Variants in MEF2C observed in about 807,000 individuals in gnomAD.
MEF2C encodes myocyte-specific enhancer factor 2C.
In MEF2C, 6 loss-of-function variants were observed where a neutral mutation model predicts 50.5. That is an observed-to-expected ratio of 0.12 (90% CI 0.07 to 0.23). MEF2C has a LOEUF of 0.23. Among genes scored for constraint, MEF2C ranks in the 10% least tolerant of loss-of-function variants. The pLI, the probability that MEF2C is intolerant of heterozygous loss-of-function variation, is 1.00. For synonymous variants in MEF2C, 183 were observed against 228.0 expected (o/e 0.80, Z 1.78); for missense variants, 276 against 605.0 (o/e 0.46, Z 5.70).
chr5:88,803,618 A>G (rs1338835470), intron 3 of MEF2C, among the ~76,000 whole-genome samples: 1 of 152,192 alleles, frequency 6.6e-6, no homozygotes, highest in African/African-American at 2.4e-5. Context: ...GATTAAGAAA[A>G]TAGGCAGATG....
chr5:88,854,168 C>G (rs1359092283), intron 1 of MEF2C, among the ~76,000 whole-genome samples: 2 of 152,132 alleles, frequency 1.3e-5, no homozygotes, highest in African/African-American at 2.4e-5. Flanking sequence ...TATGAGACTT[C>G]TAAATCTCAG....
intron 4 of MEF2C, 92 bp from the exon 5 acceptor site, chr5:88,752,135 T>C: frequency 8.4e-7 from 1 of 1,194,614 alleles, no homozygotes; most frequent in Non-Finnish European, 1.1e-6. Context: ...CCAAGAAAAA[T>C]TCTACATTCC....
At chr5:88,892,125 C>T (rs561630215) in intron 1 of MEF2C, 4 of 152,092 alleles carry the variant, frequency 2.6e-5, no homozygotes, top group African/African-American at 9.6e-5. Context: ...CCCATTCTCC[C>T]TAAAATCCAG....
At chr5:88,800,567 A>T (rs1184227226) in intron 3 of MEF2C, among the ~76,000 whole-genome samples, 2 of 152,132 alleles carry the variant, frequency 1.3e-5, no homozygotes, top group African/African-American at 4.8e-5. Context: ...GTACTCAACA[A>T]CCACATCTTC....
intron 6 of MEF2C, chr5:88,748,254 C>T: frequency 2.1e-6 from 2 of 946,766 alleles, no homozygotes; most frequent in Non-Finnish European, 2.5e-6. Flanking sequence ...TTTCAATAAA[C>T]TTGATTTTTT....
chr5:88,844,670 T>C (rs1346103429), intron 1 of MEF2C: 1 of 663,280 alleles, frequency 1.5e-6, no homozygotes, highest in Non-Finnish European at 1.9e-6. Flanking sequence ...TATTTCTTAA[T>C]GCACTTCTAT....
In MEF2C at chr5:88,728,758, T is replaced by C. The variant is rs961412454; in HGVS notation, c.965-130A>G. ...TCGTTATTATAGATATTTTTAATTT[T>C]GAGGGGAGGGGAGATAAAGCATCAG... On this transcript the variant is annotated intron_variant, in intron 9 of 10. Transcript: ENST00000504921. 2.2e-5 allele frequency: 15 copies of C among 679,618 alleles called. No homozygotes were observed. In the African/African-American group the frequency reaches 2.8e-4, roughly 13 times the overall value. The allele number at this position is 679,618 out of a possible 1,614,324, so 42.1% of individuals were successfully genotyped here.
chr5:88,817,072 A>T (rs1366227805), intron 2 of MEF2C, among the ~76,000 whole-genome samples: 1 of 152,000 alleles, frequency 6.6e-6, no homozygotes, highest in Non-Finnish European at 1.5e-5. Flanking sequence ...TGCATCTTCC[A>T]TCTATTCTCC....
intron 1 of MEF2C, among the ~76,000 whole-genome samples, chr5:88,831,546 T>G (rs1813026921): frequency 6.6e-6 from 1 of 151,996 alleles, no homozygotes; most frequent in Non-Finnish European, 1.5e-5. Flanking sequence ...CTGCCAATGT[T>G]TTTGTTGTAC....
At chr5:88,850,588 A>G (rs780742159) in intron 1 of MEF2C, among the ~76,000 whole-genome samples, 5 of 152,120 alleles carry the variant, frequency 3.3e-5, no homozygotes, top group Non-Finnish European at 7.4e-5. Context: ...CAGGGCCACT[A>G]TGATGCCCAG....
intron 3 of MEF2C, among the ~76,000 whole-genome samples, chr5:88,766,002 G>C (rs1779882658): frequency 6.6e-6 from 1 of 152,202 alleles, no homozygotes; most frequent in African/African-American, 2.4e-5. Context: ...GCTGAGAACA[G>C]CCGTTTCCTA....
chr5:88,879,097 A>T (rs1175511972), intron 1 of MEF2C, among the ~76,000 whole-genome samples: 1 of 151,992 alleles, frequency 6.6e-6, no homozygotes, highest in Non-Finnish European at 1.5e-5. Flanking sequence ...ATAAATATTA[A>T]TTTTATGTAT....
chr5:88,829,107 T>A (rs1812039652), intron 1 of MEF2C, among the ~76,000 whole-genome samples: 1 of 151,988 alleles, frequency 6.6e-6, no homozygotes, highest in Admixed American at 6.6e-5. Context: ...AATATGAATT[T>A]CAAACCATCT....
At chr5:88,745,968 T>G (rs1416766148) in intron 6 of MEF2C, among the ~76,000 whole-genome samples, 1 of 152,188 alleles carries the variant, frequency 6.6e-6, no homozygotes, top group Non-Finnish European at 1.5e-5. Flanking sequence ...AATGATGCTT[T>G]TTGTAGAGTG....
At chr5:88,893,443 G>A (rs1834805220) in intron 1 of MEF2C, among the ~76,000 whole-genome samples, 1 of 151,684 alleles carries the variant, frequency 6.6e-6, no homozygotes, top group African/African-American at 2.4e-5. Flanking sequence ...GGTTGGTCTT[G>A]AACTCCTGAC....
intron 1 of MEF2C, 98 bp from the exon 2 acceptor site, chr5:88,824,028 G>T: frequency 8.9e-7 from 1 of 1,119,874 alleles, no homozygotes; most frequent in Non-Finnish European, 1.1e-6. Context: ...ACTATATGGA[G>T]CTAAAGCAAT....
intron 1 of MEF2C, chr5:88,826,933 T>C (rs1488447796): frequency 6.6e-6 from 1 of 151,058 alleles, no homozygotes; most frequent in Non-Finnish European, 1.5e-5. Context: ...GAAGAACTGC[T>C]CTACTATAGT....
chr5:88,795,949 T>C (rs1291987049), intron 3 of MEF2C, among the ~76,000 whole-genome samples: 2 of 152,188 alleles, frequency 1.3e-5, no homozygotes, highest in African/African-American at 4.8e-5. Context: ...CATTTTTTGA[T>C]TGGTGCATGT....
At chr5:88,769,078 T>C (rs1354454389) in intron 3 of MEF2C, among the ~76,000 whole-genome samples, 1 of 151,992 alleles carries the variant, frequency 6.6e-6, no homozygotes, top group African/African-American at 2.4e-5. Context: ...ATTTTCAGCA[T>C]GGAAAGAGAA....
Sources: allele counts gnomAD v4.1 joint callset (sites outside exome capture counted in the v4.1 genomes callset), GRCh38; gene constraint gnomAD v4.1.1; transcripts MANE v1.5; gene names NCBI Gene and HGNC (gene_info 2026-07-23, HGNC 2026-07-21).